The following GALNT2 variants were observed in gnomAD, a reference collection of about 807,000 sequenced individuals.
GALNT2 encodes polypeptide N-acetylgalactosaminyltransferase 2, also known as UDP-GalNAc:polypeptide N-acetylgalactosaminyltransferase 2.
Under a neutral mutation model 81.4 loss-of-function variants are expected in GALNT2, and 31 were observed. That is an observed-to-expected ratio of 0.38 (90% CI 0.29 to 0.51). The LOEUF (loss-of-function observed/expected upper bound fraction) is 0.51. Ranked by LOEUF, GALNT2 falls within the 20% of genes least tolerant of loss-of-function variation. GALNT2 has a pLI of 0.87. For synonymous variants in GALNT2, 303 were observed against 287.4 expected (o/e 1.05, Z -0.55); for missense variants, 629 against 765.7 (o/e 0.82, Z 2.11).
chr1:230,075,025 C>T (rs755342250), intron 1 of GALNT2, among the ~76,000 whole-genome samples: 2 of 149,916 alleles, frequency 1.3e-5, no homozygotes, highest in Non-Finnish European at 1.5e-5. Flanking sequence ...ATTGGCAGTG[C>T]CCTCATACTG....
intron 3 of GALNT2, among the ~76,000 whole-genome samples, chr1:230,234,339 T>C (rs183572991): frequency 3.3e-4 from 51 of 152,310 alleles, no homozygotes; most frequent in Admixed American, 2.9e-3. Context: ...TTCTGAGGTC[T>C]GTGAATCTCC....
At chr1:230,240,296 T>C (rs1374341182) in intron 6 of GALNT2, among the ~76,000 whole-genome samples, 1 of 152,182 alleles carries the variant, frequency 6.6e-6, no homozygotes, top group Non-Finnish European at 1.5e-5. Flanking sequence ...TTCAGCACTT[T>C]AAAGGTTTCA....
At chr1:230,095,408 G>A (rs931670320) in intron 1 of GALNT2, among the ~76,000 whole-genome samples, 11 of 152,242 alleles carry the variant, frequency 7.2e-5, no homozygotes, top group African/African-American at 2.6e-4. Flanking sequence ...TTGAGTTGCC[G>A]GCAGTCTCAC....
intron 11 of GALNT2, among the ~76,000 whole-genome samples, chr1:230,256,315 A>G (rs1319757215): frequency 6.6e-6 from 1 of 152,128 alleles, no homozygotes; most frequent in African/African-American, 2.4e-5. Flanking sequence ...GCATAGTGGC[A>G]GGCGCCTATA....
At chr1:230,181,116 A>G (rs1427482370) in intron 2 of GALNT2, among the ~76,000 whole-genome samples, 1 of 151,940 alleles carries the variant, frequency 6.6e-6, no homozygotes, top group East Asian at 1.9e-4. Flanking sequence ...TTCATTAGCT[A>G]GGACTTCCAG....
rs745520668 is a variant in GALNT2 at position 230,067,258 on chromosome 1, C to T, written c.-23C>T. On this transcript the variant is annotated 5_prime_UTR_variant, in exon 1 of 16. Coordinates refer to ENST00000366672, the MANE Select transcript of GALNT2 (RefSeq NM_004481.5). ...GCAGCACTCGCGAGCAGCGGCGGCC[C>T]CGCCGGCGGCCGAGTTGGGAGAATG... 34 of 1,283,338 alleles carry T rather than the reference C, an allele frequency of 2.6e-5. 1 individual carries two copies. The highest frequency in any genetic ancestry group is 3.3e-5 in the Non-Finnish European group (33 of 1,007,594). The allele number at this position is 1,283,338 out of a possible 1,614,324, so 79.5% of individuals were successfully genotyped here. A position where few individuals can be genotyped will look rare whatever the true frequency, so the allele number is the denominator to read the frequency against.
chr1:230,185,244 G>T (rs1663285667), intron 2 of GALNT2, among the ~76,000 whole-genome samples: 1 of 151,130 alleles, frequency 6.6e-6, no homozygotes, highest in South Asian at 2.1e-4. Context: ...TCTGATACTT[G>T]CTGTGTCTCT....
intron 1 of GALNT2, among the ~76,000 whole-genome samples, chr1:230,115,945 A>G (rs1264849755): frequency 6.6e-6 from 1 of 152,226 alleles, no homozygotes; most frequent in Non-Finnish European, 1.5e-5. Context: ...ATGAGTTTGC[A>G]GCAATTCAGT....
At chr1:230,262,456 G>A in intron 11 of GALNT2, 117 bp from the exon 12 acceptor site, 1 of 806,180 alleles carries the variant, frequency 1.2e-6, no homozygotes, top group Non-Finnish European at 2.1e-6. Context: ...GATCCCAGCT[G>A]GAGCTGCTGC....
intron 1 of GALNT2, among the ~76,000 whole-genome samples, chr1:230,159,689 G>A (rs1662370884): frequency 6.6e-6 from 1 of 152,246 alleles, no homozygotes; most frequent in South Asian, 2.1e-4. Flanking sequence ...TGTACGTGGT[G>A]AAGGTGATAG....
intron 6 of GALNT2, among the ~76,000 whole-genome samples, chr1:230,239,007 C>T (rs537680394): frequency 6.6e-6 from 1 of 152,112 alleles, no homozygotes; most frequent in Non-Finnish European, 1.5e-5. Context: ...AATTCAATCT[C>T]TTTAATGGAT....
intron 15 of GALNT2, among the ~76,000 whole-genome samples, chr1:230,278,676 C>A (rs1666359367): frequency 6.6e-6 from 1 of 152,202 alleles, no homozygotes; most frequent in Non-Finnish European, 1.5e-5. Flanking sequence ...AGACAAGTTT[C>A]TCATATCCAC....
At chr1:230,138,488 G>A (rs2102821092) in intron 1 of GALNT2, among the ~76,000 whole-genome samples, 1 of 143,906 alleles carries the variant, frequency 6.9e-6, no homozygotes, top group Admixed American at 7.3e-5. Context: ...TCACGCCTCT[G>A]CACCCCAGCC....
intron 1 of GALNT2, among the ~76,000 whole-genome samples, chr1:230,107,610 T>TGTGTGTGTGTGTGTG (rs1660578332): frequency 8.5e-5 from 12 of 141,116 alleles, no homozygotes; most frequent in Non-Finnish European, 1.8e-4. Context: ...CTCATGGACT[T>TGTGTGTGTGTGTGTG]TGTGTGTGTG....
intron 6 of GALNT2, among the ~76,000 whole-genome samples, chr1:230,242,473 A>AT (rs1228441715): frequency 6.6e-6 from 1 of 152,188 alleles, no homozygotes; most frequent in Non-Finnish European, 1.5e-5. Context: ...CCCAGCATAT[A>AT]TAGCAAAAGC....
Position 230,102,172 on chromosome 1 carries a change from C to T in GALNT2, c.126+34766C>T, listed in dbSNP as rs142508672. ...TCTCTTGGAAGAAGATTTTTCCCTC[C>T]TGAAAAACAAGCTTCCTTTCAAAGT... On this transcript the variant is annotated intron_variant, in intron 1 of 15. Transcript: ENST00000366672. Among the ~76,000 whole-genome samples the T allele has an allele frequency of 1.6e-4, 25 of 152,312 alleles. No homozygotes were observed. The East Asian group carries it at 4.2e-3, about 26-fold the overall frequency.
intron 14 of GALNT2, among the ~76,000 whole-genome samples, chr1:230,273,358 G>C (rs1384952295): frequency 6.6e-6 from 1 of 152,238 alleles, no homozygotes; most frequent in East Asian, 1.9e-4. Flanking sequence ...CAGACCGATA[G>C]AAAGACAGAC....
chr1:230,236,777 G>T, intron 6 of GALNT2, 52 bp downstream of exon 6: 2 of 1,548,360 alleles, frequency 1.3e-6, no homozygotes, highest in Non-Finnish European at 1.8e-6. Context: ...GACTTTTCCT[G>T]TAATAACATA....
chr1:230,166,780 G>T (rs1180657429), intron 1 of GALNT2, among the ~76,000 whole-genome samples: 1 of 152,206 alleles, frequency 6.6e-6, no homozygotes, highest in Non-Finnish European at 1.5e-5. Flanking sequence ...GAAGTTTGAG[G>T]TTTCTCCCTT....
Sources: gnomAD v4.1 joint callset for allele counts (sites outside exome capture counted in the v4.1 genomes callset) on GRCh38, gnomAD v4.1.1 for gene constraint, MANE v1.5 for transcripts, NCBI Gene and HGNC (gene_info 2026-07-23, HGNC 2026-07-21) for gene names.